Variants in CD86 observed in about 807,000 individuals in gnomAD.
The protein encoded by CD86 is T-lymphocyte activation antigen CD86.
Under a neutral mutation model 32.1 loss-of-function variants are expected in CD86, and 11 were observed. The observed-to-expected ratio is 0.34, with a 90% CI of 0.22 to 0.57. The LOEUF (loss-of-function observed/expected upper bound fraction) is 0.57, where lower values mean the gene tolerates loss of function less well. CD86 is among the 20% of genes least tolerant of loss of function. The probability of loss-of-function intolerance (pLI) is 0.86; values close to 1 mark genes in which losing one functional copy is unlikely to be tolerated. For synonymous variants in CD86, 137 were observed against 135.3 expected, an observed-to-expected ratio of 1.01 and a Z score of -0.09; for missense variants, 359 against 398.4, an observed-to-expected ratio of 0.90 and a Z score of 0.84.
intron 1 of CD86, among the ~76,000 whole-genome samples, chr3:122,070,853 A>T (rs922189056): frequency 1.3e-5 from 2 of 152,196 alleles, no homozygotes; most frequent in African/African-American, 4.8e-5. Flanking sequence ...AATTGATGCT[A>T]ATTTTCTTTC....
chr3:122,071,232 C>G (rs2072484388), intron 1 of CD86, among the ~76,000 whole-genome samples: 1 of 152,126 alleles, frequency 6.6e-6, no homozygotes, highest in Admixed American at 6.5e-5. Context: ...ATTATAGTAT[C>G]ATACAGAATA....
At chr3:122,102,406 CTTTTTTTTT>C (rs1011413952) in intron 2 of CD86, among the ~76,000 whole-genome samples, 20 of 56,158 alleles carry the variant, frequency 3.6e-4, no homozygotes, top group African/African-American at 1.0e-3. Flanking sequence ...CCACTGCTTA[CTTTTTTTTT>C]TTTTTTTTTT....
At chr3:122,065,958 T>C (rs189872735) in intron 1 of CD86, among the ~76,000 whole-genome samples, 269 of 152,320 alleles carry the variant, frequency 1.8e-3, no homozygotes, top group Middle Eastern at 3.4e-3. Flanking sequence ...GTGTCCATTC[T>C]ATGGCTGACC....
At position 122,118,079 on chromosome 3, in the gene CD86, A is replaced by G; in HGVS notation, c.879A>G (p.Glu293=). 6.2e-7 allele frequency: 1 copy of G among 1,612,136 alleles called. No homozygotes were observed. The highest frequency in any genetic ancestry group is 8.5e-7 in the Non-Finnish European group (1 of 1,179,278). The change falls in exon 6 of 7, where the codon GAA becomes GAG. Residue 293 remains glutamate (E), a synonymous_variant. Transcript: ENST00000330540. ...GTNTMEREES[E]QTKKREKIHI... ...ACACAATGGAGAGGGAAGAGAGTGA[A>G]CAGACCAAGAAAAGGTAAATCCTGA... is the stretch of plus-strand genomic sequence containing the variant.
rs773163480 is a variant in CD86, at chr3:122,109,362, A to G, written c.801A>G (p.Leu267=). The change falls in exon 5 of 7, where the codon CTA becomes CTG. Residue 267 remains leucine, a synonymous_variant. Transcript: ENST00000330540. Reference sequence around the variant, plus strand: ...GTGTGATGGTTTTCTGTCTAATTCTATGGAAATGGAAGAAGAAGAAGCGGC... The same window carrying G: ...GTGTGATGGTTTTCTGTCTAATTCTGTGGAAATGGAAGAAGAAGAAGCGGC... ...IICVMVFCLI[L]WKWKKKKRPR... is the part of the protein sequence containing the mutation. 3 of 1,613,908 alleles carry G rather than the reference A, an allele frequency of 1.9e-6. No individual in the cohort carries two copies. Among genetic ancestry groups the G allele is most frequent in the Non-Finnish European group, 1.7e-6 (2 of 1,179,966 alleles).
At chr3:122,097,573 C>T (rs1050052039) in intron 2 of CD86, among the ~76,000 whole-genome samples, 3 of 152,040 alleles carry the variant, frequency 2.0e-5, no homozygotes, top group Admixed American at 1.3e-4. Context: ...TAGGGGGTCG[C>T]CTTACCATTG....
rs566765643 is a variant in CD86, at chr3:122,080,481, C to T, written c.15-11120C>T. On this transcript the variant is annotated intron_variant, in intron 1 of 6. Transcript: ENST00000330540. ...CCTTCTTCTAGGCCAGTGAGGGGAACGCATTCTTCATTTTAATATTTCAGT... is the reference window on the plus strand; with the variant it reads ...CCTTCTTCTAGGCCAGTGAGGGGAATGCATTCTTCATTTTAATATTTCAGT... Among the ~76,000 whole-genome samples the T allele has an allele frequency of 6.3e-4, 96 of 152,142 alleles. 1 individual carries two copies. In the South Asian group the frequency reaches 0.017, roughly 27 times the overall value.
At position 122,055,473 on chromosome 3, in the gene CD86, C is replaced by T. The variant is rs780505271; in HGVS notation, c.-17C>T. The T allele has an allele frequency of 1.2e-6, 2 of 1,613,600 alleles. No homozygotes were observed. The highest frequency in any genetic ancestry group is 1.7e-6 in the Non-Finnish European group (2 of 1,179,466). On this transcript the variant is annotated 5_prime_UTR_variant, in exon 1 of 7. Coordinates refer to ENST00000330540, the MANE Select transcript of CD86 (RefSeq NM_175862.5). ...GGGGTCATTTCCAGATATTAGGTCA[C>T]AGCAGAAGCAGCCAAAATGGATCCC...
intron 1 of CD86, among the ~76,000 whole-genome samples, chr3:122,091,241 T>C (rs2072813236): frequency 6.6e-6 from 1 of 152,234 alleles, no homozygotes; most frequent in Non-Finnish European, 1.5e-5. Flanking sequence ...TGTGAGACTT[T>C]GCGATTTTCT....
At chr3:122,108,144 C>T (rs1268660491) in intron 4 of CD86, among the ~76,000 whole-genome samples, 1 of 152,246 alleles carries the variant, frequency 6.6e-6, no homozygotes, top group Non-Finnish European at 1.5e-5. Context: ...TGCTTCTCAA[C>T]TACTGTTCTG....
At chr3:122,059,872 C>T (rs779928924) in intron 1 of CD86, among the ~76,000 whole-genome samples, 7 of 152,092 alleles carry the variant, frequency 4.6e-5, no homozygotes, top group Admixed American at 1.3e-4. Flanking sequence ...AGCGGAAAAG[C>T]GGTGTGAAGA....
intron 5 of CD86, among the ~76,000 whole-genome samples, chr3:122,114,272 A>C (rs2073217892): frequency 6.6e-6 from 1 of 151,946 alleles, no homozygotes; most frequent in African/African-American, 2.4e-5. Flanking sequence ...TAAATAAATA[A>C]ATAAATAAAT....
Position 122,120,057 on chromosome 3 carries a change from G to A in CD86, c.*523G>A, listed in dbSNP as rs1451614141. On this transcript the variant is annotated 3_prime_UTR_variant, in exon 7 of 7. Transcript: ENST00000330540. Reference sequence around the variant, plus strand: ...ATAGAGATCTATGTACTGTAATAGTGTGATTACTATGCTCTAGAGAAAAGT... The same window carrying A: ...ATAGAGATCTATGTACTGTAATAGTATGATTACTATGCTCTAGAGAAAAGT... 6.5e-6 allele frequency: 1 copy of A among 153,114 alleles called. No homozygotes were observed. The highest frequency in any genetic ancestry group is 6.5e-5 in the Admixed American group (1 of 15,318). 9.5% of individuals were successfully genotyped at this position (153,114 alleles called of 1,614,324 possible).
intron 1 of CD86, among the ~76,000 whole-genome samples, chr3:122,087,787 G>A (rs2107523666): frequency 6.6e-6 from 1 of 152,228 alleles, no homozygotes. Flanking sequence ...GCAGAAGTGT[G>A]TTAGGCTTAC....
intron 1 of CD86, among the ~76,000 whole-genome samples, chr3:122,079,743 T>C (rs1397092931): frequency 6.6e-6 from 1 of 152,176 alleles, no homozygotes; most frequent in Non-Finnish European, 1.5e-5. Flanking sequence ...ATTTTGAATA[T>C]GTGTGGAGGA....
At chr3:122,111,501 T>G (rs2073172964) in intron 5 of CD86, among the ~76,000 whole-genome samples, 1 of 152,120 alleles carries the variant, frequency 6.6e-6, no homozygotes. Flanking sequence ...ATCACATGAG[T>G]CAGAGAACCT....
At chr3:122,086,789 C>T (rs1045656092) in intron 1 of CD86, among the ~76,000 whole-genome samples, 3 of 152,186 alleles carry the variant, frequency 2.0e-5, no homozygotes, top group African/African-American at 7.2e-5. Flanking sequence ...TTCCAGGAGC[C>T]ACCATCACAC....
chr3:122,102,838 T>C (rs2073031945), intron 2 of CD86, among the ~76,000 whole-genome samples: 1 of 148,086 alleles, frequency 6.8e-6, no homozygotes, highest in South Asian at 2.1e-4. Context: ...CTTGGTTCAC[T>C]ATCGAAGTCA....
chr3:122,098,694 G>A (rs1235199069), intron 2 of CD86, among the ~76,000 whole-genome samples: 1 of 152,172 alleles, frequency 6.6e-6, no homozygotes, highest in African/African-American at 2.4e-5. Flanking sequence ...GATGAGTTAG[G>A]AGACAATTAC....
Sources: gnomAD v4.1 joint callset for allele counts (sites outside exome capture counted in the v4.1 genomes callset) on GRCh38, gnomAD v4.1.1 for gene constraint, MANE v1.5 for transcripts, NCBI Gene and HGNC (gene_info 2026-07-23, HGNC 2026-07-21) for gene names.